DSC3: variants seen among roughly 807,000 people sequenced by gnomAD.
The protein encoded by DSC3 is desmocollin 3, also known as desmocollin-3.
DSC3 carries 97 observed loss-of-function variants against 89.5 expected under a neutral mutation model. The ratio of observed to expected loss-of-function variants is 1.08; its 90% CI spans 0.92 to 1.28. DSC3 has a LOEUF of 1.28. DSC3 is among the 50% of genes most tolerant of loss of function. The probability of loss-of-function intolerance (pLI) is 0.00; values close to 1 mark genes in which losing one functional copy is unlikely to be tolerated. For missense variants in DSC3, 1,199 were observed against 1,085.3 expected, an observed-to-expected ratio of 1.10 and a Z score of -1.47; for synonymous variants, 436 against 384.1, an observed-to-expected ratio of 1.14 and a Z score of -1.58.
chr18:31,021,524 T>G (rs919543252), intron 7 of DSC3, among the ~76,000 whole-genome samples: 1 of 152,220 alleles, frequency 6.6e-6, no homozygotes, highest in South Asian at 2.1e-4. Context: ...TCCCATTGAT[T>G]TCTTCCTTAT....
chr18:30,999,194 G>A (rs1408796338), intron 14 of DSC3, among the ~76,000 whole-genome samples: 1 of 152,072 alleles, frequency 6.6e-6, no homozygotes, highest in African/African-American at 2.4e-5. Flanking sequence ...TTACATTCAG[G>A]TTCCTTTGTG....
intron 4 of DSC3, among the ~76,000 whole-genome samples, chr18:31,026,216 GGT>G (rs1985594370): frequency 6.6e-6 from 1 of 151,992 alleles, no homozygotes; most frequent in Admixed American, 6.6e-5. Context: ...GGAACAGGCT[GGT>G]GTTTTACCTA....
intron 14 of DSC3, among the ~76,000 whole-genome samples, chr18:30,998,875 G>A (rs1984561257): frequency 6.6e-6 from 1 of 152,186 alleles, no homozygotes; most frequent in African/African-American, 2.4e-5. Context: ...AGCCATTGAT[G>A]AGCTTTGCCA....
chr18:31,008,090 G>T lies in DSC3; in HGVS notation c.1589C>A (p.Ser530Tyr). Residue 530 changes from serine to tyrosine, a missense_variant, in exon 11 of 16, where the codon TCC becomes TAC. Transcript: ENST00000360428. ...TTCAACCTCCCTATCCAGGATTTTGGAAGTTATGATTGACCCTGAAATTTC... is the reference window on the plus strand; with the variant it reads ...TTCAACCTCCCTATCCAGGATTTTGTAAGTTATGATTGACCCTGAAATTTC... ...IDEISGSIITSKILDREVETP... is the reference protein window; with the variant it reads ...IDEISGSIITYKILDREVETP... The T allele has an allele frequency of 1.9e-6, 3 of 1,612,808 alleles. No homozygotes were observed. Among genetic ancestry groups the T allele is most frequent in the Non-Finnish European group, 1.7e-6 (2 of 1,179,548 alleles).
chr18:31,023,393 T>G (rs2640845), intron 6 of DSC3, among the ~76,000 whole-genome samples: 12,199 of 152,204 alleles, frequency 0.08, 592 homozygotes, highest in Middle Eastern at 0.11. Flanking sequence ...AGTGGCCATT[T>G]TATTATCTGT....
intron 1 of DSC3, among the ~76,000 whole-genome samples, chr18:31,041,623 C>G (rs1986134135): frequency 6.6e-6 from 1 of 152,192 alleles, no homozygotes; most frequent in Non-Finnish European, 1.5e-5. Flanking sequence ...GGGTCCGCGG[C>G]TCCTTTCTGG....
chr18:31,001,871 T>C (rs1269275293), intron 13 of DSC3, 132 bp from the exon 14 acceptor site: 4 of 718,266 alleles, frequency 5.6e-6, no homozygotes, highest in South Asian at 5.1e-5. Flanking sequence ...ATGAATTATC[T>C]TGGCTGTTCT....
chr18:31,032,156 A>C (rs767889911), intron 2 of DSC3, 36 bp downstream of exon 2: 2 of 1,475,754 alleles, frequency 1.4e-6, no homozygotes, highest in East Asian at 2.3e-5. Context: ...ATGTAAACTA[A>C]ATTTCTGCTT....
chr18:31,041,989 C>A (rs1241900032), intron 1 of DSC3, among the ~76,000 whole-genome samples: 2 of 152,088 alleles, frequency 1.3e-5, no homozygotes, highest in Non-Finnish European at 2.9e-5. Context: ...GCACATCCCG[C>A]CCCCAGCTGG....
Position 31,022,453 on chromosome 18 carries a change from T to C in DSC3, c.825A>G (p.Thr275=), listed in dbSNP as rs74539535. ...TGCTGTATTTCAGGCGCGTATGCAT[T>C]GTGTCCGGTTCATCTCTGTCTGTGG... ...VCATDRDEPD[T]MHTRLKYSIL... Residue 275 remains threonine, a synonymous_variant, in exon 7 of 16, where the codon ACA becomes ACG. Transcript: ENST00000360428. The C allele has an allele frequency of 2.1e-3, 3,353 of 1,614,068 alleles. 76 individuals are homozygous for C. The African/African-American group carries it at 0.04, about 19-fold the overall frequency.
At chr18:31,037,477 A>G (rs925672993) in intron 1 of DSC3, among the ~76,000 whole-genome samples, 14 of 152,346 alleles carry the variant, frequency 9.2e-5, no homozygotes, top group African/African-American at 3.4e-4. Context: ...TGTACTGACC[A>G]TTATGGATTT....
chr18:30,995,971 TAAAAAAAAAA>T (rs1196444633), intron 15 of DSC3, among the ~76,000 whole-genome samples: 89 of 37,016 alleles, frequency 2.4e-3, no homozygotes, highest in Non-Finnish European at 3.1e-3. Context: ...GACCCTGCCT[TAAAAAAAAAA>T]AAAAAAAAAA....
chr18:31,027,043 T>A (rs1416813818), intron 4 of DSC3, among the ~76,000 whole-genome samples: 1 of 152,128 alleles, frequency 6.6e-6, no homozygotes, highest in African/African-American at 2.4e-5. Context: ...AAGCCACTAG[T>A]AATTGGGATC....
At chr18:31,004,086 C>T (rs1984752970) in intron 13 of DSC3, 56 bp downstream of exon 13, 1 of 1,363,086 alleles carries the variant, frequency 7.3e-7, no homozygotes, top group Admixed American at 1.7e-5. Context: ...AACATCTTTT[C>T]CCACACCTAG....
chr18:31,018,564 G>A lies in DSC3; in HGVS notation c.1077+102C>T, dbSNP rs139975675. The A allele has an allele frequency of 1.3e-4, 168 of 1,287,062 alleles. 2 individuals carry two copies. The East Asian group carries it at 1.3e-3, about 10-fold the overall frequency. The allele number at this position is 1,287,062 out of a possible 1,614,324, so 79.7% of individuals were successfully genotyped here. ...AATTTTATTCATAAAATACGTATAC[G>A]TCAAAGTATGATACTTCATGAAGTA... On this transcript the variant is annotated intron_variant, in intron 8 of 15. Transcript: ENST00000360428.
At position 31,029,521 on chromosome 18, in the gene DSC3, C is replaced by A. The variant is rs757740708; in HGVS notation, c.462G>T (p.Leu154Phe). The change falls in exon 4 of 16, where the codon TTG becomes TTT. Residue 154 changes from leucine (L) to phenylalanine (F), a missense_variant. Leu to Phe is a conservative substitution (Grantham distance 22). Transcript: ENST00000360428. ...MQENSLGPFPLFLQQVESDAA... is the reference protein window; with the variant it reads ...MQENSLGPFPFFLQQVESDAA... ...GGTGTAAACCTACTTGTTGAAGAAACAATGGGAAAGGGCCCAAGGAATTCT... is the reference window on the plus strand; with the variant it reads ...GGTGTAAACCTACTTGTTGAAGAAAAAATGGGAAAGGGCCCAAGGAATTCT... 1.9e-6 allele frequency: 3 copies of A among 1,613,766 alleles called. No individual in the cohort carries two copies. Among genetic ancestry groups the A allele is most frequent in the East Asian group, 2.2e-5 (1 of 44,866 alleles).
At chr18:31,013,467 A>G (rs1357170255) in intron 9 of DSC3, among the ~76,000 whole-genome samples, 1 of 152,168 alleles carries the variant, frequency 6.6e-6, no homozygotes, top group Non-Finnish European at 1.5e-5. Context: ...AAGCCCTGCC[A>G]ACAAAACAAA....
intron 14 of DSC3, among the ~76,000 whole-genome samples, chr18:30,997,781 G>T (rs1313578): frequency 0.27 from 40,458 of 151,942 alleles, 5,913 homozygotes; most frequent in East Asian, 0.6. Context: ...AATCCAAACA[G>T]GGTAGGTGGA....
intron 2 of DSC3, 111 bp downstream of exon 2, chr18:31,032,081 C>T (rs1187640562): frequency 6.7e-6 from 5 of 747,746 alleles, no homozygotes; most frequent in Non-Finnish European, 9.6e-6. Context: ...GGAGGAACAT[C>T]CCTTTTTAGT....
Sources: allele counts gnomAD v4.1 joint callset (sites outside exome capture counted in the v4.1 genomes callset), GRCh38; gene constraint gnomAD v4.1.1; transcripts MANE v1.5; gene names NCBI Gene and HGNC (gene_info 2026-07-23, HGNC 2026-07-21).